The following PLA2G15 variants were observed in gnomAD, a reference collection of about 807,000 sequenced individuals.
The protein encoded by PLA2G15 is lysosomal phospholipase A and acyltransferase.
In PLA2G15, 20 loss-of-function variants were observed where a neutral mutation model predicts 40.9. The observed-to-expected ratio is 0.49, with a 90% CI of 0.34 to 0.71. The LOEUF (loss-of-function observed/expected upper bound fraction) is 0.71, where lower values mean the gene tolerates loss of function less well. Among genes scored for constraint, PLA2G15 ranks in the 30% least tolerant of loss-of-function variants. The pLI, the probability that PLA2G15 is intolerant of heterozygous loss-of-function variation, is 0.01. For synonymous variants in PLA2G15, 223 were observed against 228.2 expected, an observed-to-expected ratio of 0.98 and a Z score of 0.21; for missense variants, 471 against 541.9, an observed-to-expected ratio of 0.87 and a Z score of 1.30.
intron 2 of PLA2G15, chr16:68,254,351 A>ATTTTTTTTTTTT (rs953704547): frequency 7.2e-6 from 1 of 139,370 alleles, no homozygotes; most frequent in African/African-American, 2.7e-5. Context: ...TTATTTATTT[A>ATTTTTTTTTTTT]TTTTTTTGAG....
chr16:68,252,698 T>G (rs1433810977), intron 2 of PLA2G15: 1 of 438,128 alleles, frequency 2.3e-6, no homozygotes, highest in African/African-American at 2.0e-5. Flanking sequence ...CTGGGTGCAG[T>G]GGCTCACACC....
Position 68,255,932 on chromosome 16 carries a change from C to T in PLA2G15, c.669C>T (p.Phe223=), listed in dbSNP as rs753502621. ...QAWKDKYIRA[F]VSLGAPWGGV... is the part of the protein sequence containing the mutation. Reference sequence around the variant, plus strand: ...GGAAGGACAAGTATATCCGGGCCTTCGTGTCACTGGGTGCGCCCTGGGGGG... The same window carrying T: ...GGAAGGACAAGTATATCCGGGCCTTTGTGTCACTGGGTGCGCCCTGGGGGG... The change falls in exon 5 of 6, where the codon TTC becomes TTT. Residue 223 remains phenylalanine (F), a synonymous_variant. Coordinates refer to ENST00000219345, the MANE Select transcript of PLA2G15 (RefSeq NM_012320.4). The surrounding 1 kb of genome is among the most constrained non-coding windows in gnomAD (Gnocchi z 5.9). 38 of 1,612,736 alleles carry T rather than the reference C, an allele frequency of 2.4e-5. No individual in the cohort carries two copies. The highest frequency in any genetic ancestry group is 1.9e-4 in the Middle Eastern group (1 of 5,212).
chr16:68,256,507 GT>G lies in PLA2G15; in HGVS notation c.727+527del, dbSNP rs966002116. On this transcript the variant is annotated intron_variant, in intron 5 of 5. Transcript: ENST00000219345. The stretch of plus-strand genomic sequence containing the variant: ...ATGACTATTCTCTTGGGTCAGCCCT[GT>G]TTTTTTTTTAATTTTTATTTTTTGA... 12 of 149,336 alleles carry G rather than the reference GT, an allele frequency of 8.0e-5. No individual in the cohort carries two copies. The South Asian group carries it at 1.1e-3, about 13-fold the overall frequency. The allele number at this position is 149,336 out of a possible 1,614,324, so 9.3% of individuals were successfully genotyped here.
At position 68,255,148 on chromosome 16, in the gene PLA2G15, C is replaced by G. The variant is rs748639405; in HGVS notation, c.403+111C>G. 3.8e-4 allele frequency: 374 copies of G among 987,436 alleles called. No individual in the cohort carries two copies. Among genetic ancestry groups the G allele is most frequent in the Middle Eastern group, 8.5e-4 (4 of 4,718 alleles). 61.2% of individuals were successfully genotyped at this position (987,436 alleles called of 1,614,324 possible). A position where few individuals can be genotyped will look rare whatever the true frequency, so the allele number is the denominator to read the frequency against. On this transcript the variant is annotated intron_variant, in intron 3 of 5. Transcript: ENST00000219345. This position sits in a 1 kb window ranked among gnomAD's most constrained non-coding sequence, Gnocchi z 5.9. ...TGTAGGGACAGCCTGTGAGCTGTCT[C>G]TGATCAGCGTGGGCACAGAGCCCTG...
intron 1 of PLA2G15, among the ~76,000 whole-genome samples, chr16:68,247,767 T>G (rs906150932): frequency 3.3e-5 from 5 of 152,200 alleles, no homozygotes; most frequent in African/African-American, 4.8e-5. Context: ...TCAGGGTGGA[T>G]TTACGGTCAG....
rs1008389540 is a variant in PLA2G15, at chr16:68,254,934, A to T, written c.300A>T (p.Lys100Asn). 1 of 1,613,132 alleles carries T rather than the reference A, an allele frequency of 6.2e-7. No individual in the cohort carries two copies. The highest frequency in any genetic ancestry group is 1.7e-5 in the Admixed American group (1 of 59,982). ...CTCACAACAGGCTGGTTTACAACAA[A>T]ACATCCAGGGCCACCCAGTTTCCTG... is the stretch of plus-strand genomic sequence containing the variant. ...WIDNIRLVYN[K>N]TSRATQFPDG... is the part of the protein sequence containing the mutation. Residue 100 changes from lysine (K) to asparagine (N), a missense_variant, in exon 3 of 6, where the codon AAA becomes AAT. Lys to Asn is a moderately conservative substitution (Grantham distance 94, BLOSUM62 0). Coordinates refer to ENST00000219345, the MANE Select transcript of PLA2G15 (RefSeq NM_012320.4).
Position 68,245,391 on chromosome 16 carries a change from A to C in PLA2G15, c.-36A>C, listed in dbSNP as rs961440424. 6.3e-7 allele frequency: 1 copy of C among 1,596,916 alleles called. No homozygotes were observed. Among genetic ancestry groups the C allele is most frequent in the Non-Finnish European group, 8.5e-7 (1 of 1,177,058 alleles). The stretch of plus-strand genomic sequence containing the variant: ...CCTAGGCGAGAGCCCAGAGAGCTGA[A>C]CCTGCATCCCGGACCTGCGGCGACC... On this transcript the variant is annotated 5_prime_UTR_variant, in exon 1 of 6. Coordinates refer to ENST00000219345, the MANE Select transcript of PLA2G15 (RefSeq NM_012320.4).
Position 68,245,423 on chromosome 16 carries a change from C to T in PLA2G15, c.-4C>T, listed in dbSNP as rs1390734090. 1 of 1,603,458 alleles carries T rather than the reference C, an allele frequency of 6.2e-7. No individual in the cohort carries two copies. Among genetic ancestry groups the T allele is most frequent in the Non-Finnish European group, 8.5e-7 (1 of 1,179,650 alleles). ...TCCCGGACCTGCGGCGACCGTCGTA[C>T]ACCATGGGCCTCCACCTCCGCCCCT... On this transcript the variant is annotated 5_prime_UTR_variant, in exon 1 of 6. Transcript: ENST00000219345.
Position 68,255,636 on chromosome 16 carries a change from C to A in PLA2G15, c.503-130C>A. The A allele has an allele frequency of 2.6e-6, 2 of 760,660 alleles. No individual in the cohort carries two copies. The highest frequency in any genetic ancestry group is 2.2e-6 in the Non-Finnish European group (1 of 451,084). 47.1% of individuals were successfully genotyped at this position (760,660 alleles called of 1,614,324 possible). A position where few individuals can be genotyped will look rare whatever the true frequency, so the allele number is the denominator to read the frequency against. Reference sequence around the variant, plus strand: ...CCTCCCTTCATGGAAGGCGGGGGGACCCAGACCGCTCTGTTTGAATGTGAG... The same window carrying A: ...CCTCCCTTCATGGAAGGCGGGGGGAACCAGACCGCTCTGTTTGAATGTGAG... On this transcript the variant is annotated intron_variant, in intron 4 of 5. Transcript: ENST00000219345. This position sits in a 1 kb window ranked among gnomAD's most constrained non-coding sequence, Gnocchi z 5.9.
chr16:68,253,001 A>G (rs895275569), intron 2 of PLA2G15, among the ~76,000 whole-genome samples: 5 of 152,224 alleles, frequency 3.3e-5, no homozygotes, highest in Admixed American at 3.3e-4. Context: ...AAAGTAAGAA[A>G]GGGCTGTTAG....
Position 68,259,264 on chromosome 16 carries a change from C to G in PLA2G15, c.846C>G (p.Phe282Leu). ...ACACATGGTCACCTGAGAAGGTGTT[C>G]GTGCAGACACCCACAATCAACTACA... ...YNYTWSPEKV[F>L]VQTPTINYTL... The change falls in exon 6 of 6, where the codon TTC (phenylalanine) becomes TTG (leucine). Residue 282 changes from phenylalanine (F) to leucine (L), a missense_variant. Phe to Leu is a conservative substitution (Grantham distance 22). Transcript: ENST00000219345. The surrounding 1 kb of genome is among the most constrained non-coding windows in gnomAD (Gnocchi z 6.5). 1 of 1,613,994 alleles carries G rather than the reference C, an allele frequency of 6.2e-7. No individual in the cohort carries two copies. Among genetic ancestry groups the G allele is most frequent in the Non-Finnish European group, 8.5e-7 (1 of 1,180,044 alleles).
At chr16:68,258,587 T>C (rs2042419026) in intron 5 of PLA2G15, among the ~76,000 whole-genome samples, 1 of 152,032 alleles carries the variant, frequency 6.6e-6, no homozygotes, top group Non-Finnish European at 1.5e-5. Context: ...GCAAGCAAAC[T>C]GGGCAACATA....
intron 1 of PLA2G15, chr16:68,248,276 G>A (rs916104040): frequency 6.6e-6 from 1 of 152,412 alleles, no homozygotes; most frequent in Non-Finnish European, 1.5e-5. Context: ...AGTGGCCCAG[G>A]GCTCTGTTCT....
Position 68,259,056 on chromosome 16 carries a change from GC to G in PLA2G15, c.728-89del. 3 of 1,081,428 alleles carry G rather than the reference GC, an allele frequency of 2.8e-6. 1 individual carries two copies. 67.0% of individuals were successfully genotyped at this position (1,081,428 alleles called of 1,614,324 possible). On this transcript the variant is annotated intron_variant, in intron 5 of 5. Coordinates refer to ENST00000219345, the MANE Select transcript of PLA2G15 (RefSeq NM_012320.4). This position sits in a 1 kb window ranked among gnomAD's most constrained non-coding sequence, Gnocchi z 6.5. ...TGCGGGACTGTGGACTGGGCCCCTG[GC>G]TGGGGTCTGGCAGGGGCCTGGTGGT...
chr16:68,255,203 C>T lies in PLA2G15; in HGVS notation c.404-79C>T. 1 of 1,121,296 alleles carries T rather than the reference C, an allele frequency of 8.9e-7. No homozygotes were observed. The highest frequency in any genetic ancestry group is 1.4e-6 in the Non-Finnish European group (1 of 738,480). The allele number at this position is 1,121,296 out of a possible 1,614,324, so 69.5% of individuals were successfully genotyped here. On this transcript the variant is annotated intron_variant, in intron 3 of 5. Coordinates refer to ENST00000219345, the MANE Select transcript of PLA2G15 (RefSeq NM_012320.4). The surrounding 1 kb of genome is among the most constrained non-coding windows in gnomAD (Gnocchi z 5.9). ...ATTCTTCCAAGGACCTGCTAGCTGT[C>T]ACAGTCTCCATGCTGGGCATAGTGT...
chr16:68,245,991 C>G (rs138128582), intron 1 of PLA2G15, among the ~76,000 whole-genome samples: 53 of 152,254 alleles, frequency 3.5e-4, no homozygotes, highest in Non-Finnish European at 6.6e-4. Flanking sequence ...GCCACATATG[C>G]CAGAAGGCAT....
chr16:68,257,935 C>A lies in PLA2G15; in HGVS notation c.728-1211C>A, dbSNP rs540982491. Among the ~76,000 whole-genome samples, 5 of 152,234 alleles carry A rather than the reference C, an allele frequency of 3.3e-5. No individual in the cohort carries two copies. In the South Asian group the frequency reaches 1.0e-3, roughly 32 times the overall value. ...GTGTGTGGTGCGGGGAGGTGGAAGT[C>A]CGTGCACCCCTAGGGGCTTTCCTTG... On this transcript the variant is annotated intron_variant, in intron 5 of 5. Coordinates refer to ENST00000219345, the MANE Select transcript of PLA2G15 (RefSeq NM_012320.4).
intron 1 of PLA2G15, chr16:68,248,303 C>T (rs1234709794): frequency 6.6e-6 from 1 of 152,290 alleles, no homozygotes; most frequent in Admixed American, 6.5e-5. Flanking sequence ...TTCTTCCTCT[C>T]TCAGGGCGAA....
At chr16:68,247,237 C>T (rs986495262) in intron 1 of PLA2G15, among the ~76,000 whole-genome samples, 1 of 152,108 alleles carries the variant, frequency 6.6e-6, no homozygotes, top group African/African-American at 2.4e-5. Flanking sequence ...GATCAGAATC[C>T]TCTAGGGGTG....
Sources: gnomAD v4.1 joint callset for allele counts (sites outside exome capture counted in the v4.1 genomes callset) on GRCh38, gnomAD v4.1.1 for gene constraint, Gnocchi (gnomAD v3.1) non-coding constraint, MANE v1.5 for transcripts, NCBI Gene and HGNC (gene_info 2026-07-23, HGNC 2026-07-21) for gene names.